PI15: variants seen among roughly 807,000 people sequenced by gnomAD.
PI15 encodes 25 kDa trypsin inhibitor.
A neutral mutation model predicts 31.0 loss-of-function variants in PI15; 18 were observed. The ratio of observed to expected loss-of-function variants is 0.58; its 90% CI spans 0.40 to 0.86. The LOEUF is 0.86. Ranked by LOEUF, PI15 falls within the 40% of genes least tolerant of loss-of-function variation. PI15 has a pLI of 0.00. For missense variants in PI15, 282 were observed against 328.1 expected, an observed-to-expected ratio of 0.86 and a Z score of 1.09; for synonymous variants, 118 against 119.1, an observed-to-expected ratio of 0.99 and a Z score of 0.06.
At chr8:74,845,084 T>A (rs200096008) in intron 3 of PI15, 44 bp from the exon 4 acceptor site, 1 of 1,552,670 alleles carries the variant, frequency 6.4e-7, no homozygotes, top group Non-Finnish European at 8.9e-7. Flanking sequence ...CCCTTATATA[T>A]TACCACTGCT....
intron 2 of PI15, among the ~76,000 whole-genome samples, chr8:74,837,064 C>T (rs887526992): frequency 6.6e-6 from 1 of 152,140 alleles, no homozygotes; most frequent in Non-Finnish European, 1.5e-5. Context: ...GTACACCTTA[C>T]ACCATCTCTT....
chr8:74,829,993 G>A (rs1341725597), intron 2 of PI15, among the ~76,000 whole-genome samples: 4 of 152,158 alleles, frequency 2.6e-5, no homozygotes, highest in African/African-American at 4.8e-5. Context: ...AGACTGTGAA[G>A]ATTTTAGAGA....
At position 74,852,366 on chromosome 8, in the gene PI15, GAGTTGTGTAGACAC is replaced by G. The variant is rs1811120252; in HGVS notation, c.*3117_*3130del. On this transcript the variant is annotated 3_prime_UTR_variant, in exon 6 of 6. Transcript: ENST00000260113. ...TGGATTTCATTATAGAATTATCTGTGAGTTGTGTAGACACAGTCTTAATGTTTCTGGTTATGACA... is the reference window on the plus strand; with the variant it reads ...TGGATTTCATTATAGAATTATCTGTGAGTCTTAATGTTTCTGGTTATGACA... 1 of 152,016 alleles carries G rather than the reference GAGTTGTGTAGACAC, an allele frequency of 6.6e-6. No homozygotes were observed. Among genetic ancestry groups the G allele is most frequent in the Admixed American group, 6.6e-5 (1 of 15,256 alleles). 9.4% of individuals were successfully genotyped at this position (152,016 alleles called of 1,614,324 possible). A position where few individuals can be genotyped will look rare whatever the true frequency, so the allele number is the denominator to read the frequency against.
intron 2 of PI15, chr8:74,826,403 T>G (rs1165811303): frequency 3.1e-6 from 1 of 326,440 alleles, no homozygotes; most frequent in Non-Finnish European, 4.4e-6. Flanking sequence ...TGTGCTGAAT[T>G]AAAATTTGGG....
At chr8:74,841,328 C>T (rs1401530725) in intron 2 of PI15, among the ~76,000 whole-genome samples, 1 of 152,164 alleles carries the variant, frequency 6.6e-6, no homozygotes, top group East Asian at 1.9e-4. Flanking sequence ...TAGGGCTACT[C>T]AAGTGTATCT....
intron 2 of PI15, among the ~76,000 whole-genome samples, chr8:74,839,127 T>G (rs1390175238): frequency 6.6e-6 from 1 of 152,220 alleles, no homozygotes; most frequent in Non-Finnish European, 1.5e-5. Context: ...TCCTTCTATC[T>G]TTTGGCATCA....
intron 2 of PI15, among the ~76,000 whole-genome samples, chr8:74,833,876 G>T (rs1206992819): frequency 2.0e-5 from 3 of 152,304 alleles, no homozygotes; most frequent in African/African-American, 7.2e-5. Flanking sequence ...GCAGACCAGT[G>T]CCCATCTGTG....
At position 74,825,524 on chromosome 8, in the gene PI15, T is replaced by TAAG; in HGVS notation, c.273+8_273+10dup. ...CCGGCAGCAAATATGGAATATATGGTAAGAAGAATTCTTTTTTTTTTTTTT... is the reference window on the plus strand; with the variant it reads ...CCGGCAGCAAATATGGAATATATGGTAAGAAGAAGAATTCTTTTTTTTTTTTTT... On this transcript the variant is annotated splice_region_variant and intron_variant, in intron 2 of 5. Coordinates refer to ENST00000260113, the MANE Select transcript of PI15 (RefSeq NM_015886.5). 6.3e-7 allele frequency: 1 copy of TAAG among 1,588,674 alleles called. No individual in the cohort carries two copies. Among genetic ancestry groups the TAAG allele is most frequent in the Non-Finnish European group, 8.6e-7 (1 of 1,167,012 alleles).
At chr8:74,829,549 A>G (rs949692538) in intron 2 of PI15, among the ~76,000 whole-genome samples, 1 of 152,158 alleles carries the variant, frequency 6.6e-6, no homozygotes, top group Non-Finnish European at 1.5e-5. Context: ...TCTGAATTTA[A>G]GTCAATTGAA....
rs560868763 is a variant in PI15, at chr8:74,843,140, T to C, written c.274-841T>C. ...ATTAGATAATCTTTGTTTCTTAAAA[T>C]ATATTAATATCATGGCTTTTGACGG... On this transcript the variant is annotated intron_variant, in intron 2 of 5. Coordinates refer to ENST00000260113, the MANE Select transcript of PI15 (RefSeq NM_015886.5). Among the ~76,000 whole-genome samples the C allele has an allele frequency of 8.5e-5, 13 of 152,320 alleles. No homozygotes were observed. In the East Asian group the frequency reaches 1.9e-3, roughly 23 times the overall value.
chr8:74,854,122 C>G lies in PI15; in HGVS notation c.*4869C>G, dbSNP rs560067131. ...ATGTATTATTCCATTCAAAGTCTTT[C>G]TAGATTTAAAAATGTATGCAAAAGC... On this transcript the variant is annotated 3_prime_UTR_variant, in exon 6 of 6. Transcript: ENST00000260113. The G allele has an allele frequency of 6.6e-6, 1 of 151,892 alleles. No individual in the cohort carries two copies. The highest frequency in any genetic ancestry group is 2.4e-5 in the African/African-American group (1 of 41,478). 9.4% of individuals were successfully genotyped at this position (151,892 alleles called of 1,614,324 possible).
chr8:74,841,281 C>T (rs1338926588), intron 2 of PI15, among the ~76,000 whole-genome samples: 1 of 152,124 alleles, frequency 6.6e-6, no homozygotes, highest in Non-Finnish European at 1.5e-5. Flanking sequence ...GAGGAAGTCC[C>T]AGGCCAATAG....
At chr8:74,833,779 G>A (rs1233966435) in intron 2 of PI15, among the ~76,000 whole-genome samples, 1 of 152,172 alleles carries the variant, frequency 6.6e-6, no homozygotes, top group Non-Finnish European at 1.5e-5. Flanking sequence ...CAAGGTCATA[G>A]AGCAAGTAAA....
At position 74,849,953 on chromosome 8, in the gene PI15, G is replaced by T. The variant is rs891150523; in HGVS notation, c.*700G>T. ...TTAGTCTCATTTTATTCATTCAGTC[G>T]TCATGAGTTGAGTGCTTACTACATG... On this transcript the variant is annotated 3_prime_UTR_variant, in exon 6 of 6. Coordinates refer to ENST00000260113, the MANE Select transcript of PI15 (RefSeq NM_015886.5). 8.6e-5 allele frequency: 13 copies of T among 152,042 alleles called. No individual in the cohort carries two copies. The highest frequency in any genetic ancestry group is 1.9e-4 in the Non-Finnish European group (13 of 68,022). The allele number at this position is 152,042 out of a possible 1,614,324, so 9.4% of individuals were successfully genotyped here.
At chr8:74,832,967 G>A (rs948746153) in intron 2 of PI15, among the ~76,000 whole-genome samples, 1 of 152,014 alleles carries the variant, frequency 6.6e-6, no homozygotes, top group Non-Finnish European at 1.5e-5. Context: ...TAATAATTTA[G>A]TTAAATATGA....
chr8:74,853,239 G>C lies in PI15; in HGVS notation c.*3986G>C, dbSNP rs1005989235. 4 of 152,616 alleles carry C rather than the reference G, an allele frequency of 2.6e-5. No individual in the cohort carries two copies. Among genetic ancestry groups the C allele is most frequent in the African/African-American group, 9.6e-5 (4 of 41,562 alleles). 9.5% of individuals were successfully genotyped at this position (152,616 alleles called of 1,614,324 possible). A position where few individuals can be genotyped will look rare whatever the true frequency, so the allele number is the denominator to read the frequency against. ...AAAGTTTTTTTATTCAGTGTGAACTGTCAGTATCTATTCTGGTGCTAAATG... is the reference window on the plus strand; with the variant it reads ...AAAGTTTTTTTATTCAGTGTGAACTCTCAGTATCTATTCTGGTGCTAAATG... On this transcript the variant is annotated 3_prime_UTR_variant, in exon 6 of 6. Transcript: ENST00000260113.
rs1586962357 is a variant in PI15, at chr8:74,854,403, CTTA to C, written c.*5153_*5155del. 6.6e-6 allele frequency: 1 copy of C among 152,184 alleles called. No homozygotes were observed. The highest frequency in any genetic ancestry group is 1.9e-4 in the East Asian group (1 of 5,186). 9.4% of individuals were successfully genotyped at this position (152,184 alleles called of 1,614,324 possible). ...CTGTAGTATACATAAAATGGACTTACTTATTCCTCTCACCTTCTCCAGTGCCTA... is the reference window on the plus strand; with the variant it reads ...CTGTAGTATACATAAAATGGACTTACTTCCTCTCACCTTCTCCAGTGCCTA... On this transcript the variant is annotated 3_prime_UTR_variant, in exon 6 of 6. Transcript: ENST00000260113.
At position 74,825,154 on chromosome 8, in the gene PI15, T is replaced by C. The variant is rs75318736; in HGVS notation, c.-40-56T>C. 5.2e-4 allele frequency: 507 copies of C among 975,174 alleles called. 3 individuals are homozygous for C. In the African/African-American group the frequency reaches 6.7e-3, roughly 13 times the overall value. The allele number at this position is 975,174 out of a possible 1,614,324, so 60.4% of individuals were successfully genotyped here. A position where few individuals can be genotyped will look rare whatever the true frequency, so the allele number is the denominator to read the frequency against. On this transcript the variant is annotated intron_variant, in intron 1 of 5. Transcript: ENST00000260113. ...CCCAAATGATGTCTTTGTAAATTCA[T>C]ACCCTCTGGCCCTATTTTTTTTCAT...
intron 2 of PI15, among the ~76,000 whole-genome samples, chr8:74,840,006 G>A (rs1419465414): frequency 6.6e-6 from 1 of 152,100 alleles, no homozygotes; most frequent in Non-Finnish European, 1.5e-5. Context: ...TTACAACTTA[G>A]AGCTTCCCGA....
Sources: allele counts gnomAD v4.1 joint callset (sites outside exome capture counted in the v4.1 genomes callset), GRCh38; gene constraint gnomAD v4.1.1; transcripts MANE v1.5; gene names NCBI Gene and HGNC (gene_info 2026-07-23, HGNC 2026-07-21).